The following MAGED1 variants were observed in gnomAD, a reference collection of about 807,000 sequenced individuals.
MAGED1 encodes melanoma-associated antigen D1.
A neutral mutation model predicts 54.1 loss-of-function variants in MAGED1; 3 were observed. The ratio of observed to expected loss-of-function variants is 0.06; its 90% CI spans 0.03 to 0.14. MAGED1 has a LOEUF of 0.14. Ranked by LOEUF, MAGED1 falls within the 10% of genes least tolerant of loss-of-function variation. The pLI is 1.00. For missense variants in MAGED1, 485 were observed against 623.4 expected (o/e 0.78, Z 2.36); for synonymous variants, 217 against 227.3 (o/e 0.95, Z 0.41).
upstream of MAGED1, among the ~76,000 whole-genome samples, chrX:51,890,541 C>T (rs1426099434): frequency 9.0e-6 from 1 of 111,205 alleles, no homozygotes; most frequent in Non-Finnish European, 1.9e-5. Flanking sequence ...GCCTTTGTGG[C>T]TTTTGCACTT....
Position 51,897,019 on chromosome X carries a change from G to C in MAGED1, c.1364G>C (p.Arg455Pro). ...AACCTGCGCCCTTCTCCCAACTCGC[G>C]TGCCTCACAGAACCCAGGTGCTGCA... ...SPNLRPSPNS[R>P]ASQNPGAAQP... is the part of the protein sequence containing the mutation. The change falls in exon 4 of 13, where the codon CGT becomes CCT. Residue 455 changes from arginine (R) to proline (P), a missense_variant. Transcript: ENST00000326587. 1 of 1,211,451 alleles carries C rather than the reference G, an allele frequency of 8.3e-7. No homozygotes were observed. Among genetic ancestry groups the C allele is most frequent in the South Asian group, 1.8e-5 (1 of 56,876 alleles).
intron 1 of MAGED1, among the ~76,000 whole-genome samples, chrX:51,888,298 T>A (rs933626957): frequency 1.2e-4 from 13 of 111,782 alleles, no homozygotes; most frequent in South Asian, 3.8e-4. Context: ...AAAATTTTTT[T>A]AATTAAAAAA....
chrX:51,860,711 A>G (rs1414659509), intron 1 of MAGED1, among the ~76,000 whole-genome samples: 1 of 110,749 alleles, frequency 9.0e-6, no homozygotes, highest in Non-Finnish European at 1.9e-5. Context: ...TAATTGAAGT[A>G]TCAATGAGAT....
chrX:51,842,136 T>C (rs1926516516), intron 1 of MAGED1, among the ~76,000 whole-genome samples: 1 of 112,114 alleles, frequency 8.9e-6, no homozygotes, highest in Non-Finnish European at 1.9e-5. Flanking sequence ...GCAGATACTT[T>C]TGGTGTTTTC....
At chrX:51,809,336 G>A (rs782673435) in intron 1 of MAGED1, among the ~76,000 whole-genome samples, 10 of 110,753 alleles carry the variant, frequency 9.0e-5, no homozygotes, top group Non-Finnish European at 3.8e-5. Context: ...GGATGGTCTC[G>A]ACCTCCTGAC....
At chrX:51,815,931 A>G (rs1234568588) in intron 1 of MAGED1, among the ~76,000 whole-genome samples, 1 of 111,834 alleles carries the variant, frequency 8.9e-6, no homozygotes, top group Non-Finnish European at 1.9e-5. Context: ...TTAATTTATT[A>G]TTGAAAGAAA....
At chrX:51,879,769 T>A (rs782688137) in intron 1 of MAGED1, among the ~76,000 whole-genome samples, 2 of 112,307 alleles carry the variant, frequency 1.8e-5, no homozygotes, top group South Asian at 3.7e-4. Context: ...ATTTCATTTC[T>A]CTGACAGGTC....
intron 1 of MAGED1, among the ~76,000 whole-genome samples, chrX:51,838,100 A>G (rs1926317340): frequency 8.9e-6 from 1 of 112,327 alleles, no homozygotes; most frequent in Non-Finnish European, 1.9e-5. Flanking sequence ...GATTCCTGCT[A>G]TCCCATGAGT....
intron 1 of MAGED1, among the ~76,000 whole-genome samples, chrX:51,862,319 A>C (rs1334983689): frequency 9.0e-6 from 1 of 111,598 alleles, no homozygotes; most frequent in African/African-American, 3.3e-5. Flanking sequence ...TGCCTAAAAT[A>C]GTGCCTGATA....
At chrX:51,882,522 T>G (rs1928091500) in intron 1 of MAGED1, among the ~76,000 whole-genome samples, 1 of 106,838 alleles carries the variant, frequency 9.4e-6, no homozygotes, top group African/African-American at 3.4e-5. Context: ...AACATGGAGG[T>G]AAGTTCCCTG....
chrX:51,815,524 A>ATT (rs1175202317), intron 1 of MAGED1, among the ~76,000 whole-genome samples: 1 of 103,166 alleles, frequency 9.7e-6, no homozygotes, highest in East Asian at 3.0e-4. Flanking sequence ...TAGCTGTATA[A>ATT]TTTTTTTTTT....
At chrX:51,873,059 T>A (rs930338524) in intron 1 of MAGED1, among the ~76,000 whole-genome samples, 9 of 106,094 alleles carry the variant, frequency 8.5e-5, no homozygotes, top group Non-Finnish European at 1.6e-4. Flanking sequence ...AAAAAAAAAA[T>A]AAATAAAAAA....
chrX:51,880,998 G>C (rs1281924463), intron 1 of MAGED1, among the ~76,000 whole-genome samples: 1 of 110,517 alleles, frequency 9.0e-6, no homozygotes, highest in Non-Finnish European at 1.9e-5. Flanking sequence ...GACTACCATA[G>C]ACTGGGTGGC....
At chrX:51,837,744 G>T (rs1339479210) in intron 1 of MAGED1, among the ~76,000 whole-genome samples, 1 of 112,249 alleles carries the variant, frequency 8.9e-6, no homozygotes, top group African/African-American at 3.2e-5. Flanking sequence ...ATGAGAGACG[G>T]TGAGGTTAAA....
chrX:51,866,455 C>A (rs782714736), intron 1 of MAGED1, among the ~76,000 whole-genome samples: 1 of 111,621 alleles, frequency 9.0e-6, no homozygotes, highest in East Asian at 2.8e-4. Flanking sequence ...TGATTGTCCC[C>A]GGATAAAACT....
At chrX:51,841,539 A>G (rs375652914) in intron 1 of MAGED1, among the ~76,000 whole-genome samples, 3 of 107,781 alleles carry the variant, frequency 2.8e-5, no homozygotes, top group East Asian at 2.9e-4. Flanking sequence ...GTATTGCCTA[A>G]GTTTTCTTCT....
At chrX:51,888,609 C>G (rs1557363052), upstream of MAGED1, among the ~76,000 whole-genome samples, 1 of 112,165 alleles carries the variant, frequency 8.9e-6, no homozygotes, top group East Asian at 2.8e-4. Flanking sequence ...CAATTGCACT[C>G]TTGGGTACTT....
At chrX:51,898,865 G>T (rs782174214) in intron 10 of MAGED1, 41 of 337,849 alleles carry the variant, frequency 1.2e-4, no homozygotes, top group African/African-American at 1.0e-3. Flanking sequence ...TTAGCCAGGC[G>T]TGGTGACATG....
chrX:51,816,654 A>G (rs1925439909), intron 1 of MAGED1, among the ~76,000 whole-genome samples: 1 of 111,085 alleles, frequency 9.0e-6, no homozygotes, highest in Non-Finnish European at 1.9e-5. Context: ...ATATTCGCAC[A>G]ACAGTGATGA....
Sources: gnomAD v4.1 joint callset for allele counts (sites outside exome capture counted in the v4.1 genomes callset) on GRCh38, gnomAD v4.1.1 for gene constraint, MANE v1.5 for transcripts, NCBI Gene and HGNC (gene_info 2026-07-23, HGNC 2026-07-21) for gene names.